The following PHB1 variants were observed in gnomAD, a reference collection of about 807,000 sequenced individuals.
The protein encoded by PHB1 is epididymis luminal protein 215.
At chr17:49,410,369 G>A in the PHB1 span, among the ~76,000 whole-genome samples, 5 of 152,160 alleles carry the variant, frequency 3.3e-5, no homozygotes, top group East Asian at 9.6e-4. Context: ...AGGGCAAGGT[G>A]CAGGTATGCC....
chr17:49,406,614 A>G, the PHB1 span: 1 of 678,080 alleles, frequency 1.5e-6, no homozygotes, highest in East Asian at 2.7e-5. Context: ...AACCAATTGC[A>G]GAAGTACAAT....
At chr17:49,406,749 G>A in the PHB1 span, 11 of 1,605,806 alleles carry the variant, frequency 6.9e-6, no homozygotes, top group Admixed American at 5.0e-5. Context: ...CCATCTGGTC[G>A]AAGGCTCACC....
the PHB1 span, chr17:49,413,422 T>C: frequency 6.5e-6 from 4 of 614,938 alleles, no homozygotes; most frequent in South Asian, 5.5e-5. Context: ...AAATCATCCA[T>C]TGAAGGATAC....
At chr17:49,414,043 T>G in the PHB1 span, among the ~76,000 whole-genome samples, 1 of 152,148 alleles carries the variant, frequency 6.6e-6, no homozygotes. Context: ...ACAAAAAAAG[T>G]AACCGTAACA....
the PHB1 span, among the ~76,000 whole-genome samples, chr17:49,407,992 A>G: frequency 6.6e-6 from 1 of 152,234 alleles, no homozygotes; most frequent in African/African-American, 2.4e-5. Context: ...CACCTTAGAT[A>G]GGGTTTCTTG....
chr17:49,406,153 C>T, the PHB1 span, among the ~76,000 whole-genome samples: 1 of 152,248 alleles, frequency 6.6e-6, no homozygotes, highest in Non-Finnish European at 1.5e-5. Context: ...TCTGCCCACA[C>T]AGTGTTTTCA....
the PHB1 span, chr17:49,413,254 T>G: frequency 1.2e-6 from 2 of 1,607,298 alleles, no homozygotes; most frequent in Non-Finnish European, 1.7e-6. Flanking sequence ...CTCAAACACT[T>G]TGGCAGCCAT....
At chr17:49,413,354 T>TGAG in the PHB1 span, 2 of 873,346 alleles carry the variant, frequency 2.3e-6, no homozygotes, top group Non-Finnish European at 3.7e-6. Context: ...AGGCCCTCTC[T>TGAG]GACACACAAC....
the PHB1 span, chr17:49,408,796 T>C: frequency 2.2e-6 from 1 of 445,674 alleles, no homozygotes. Flanking sequence ...AAACATTTAG[T>C]GGTTAGAGAC....
chr17:49,405,472 A>G, the PHB1 span, among the ~76,000 whole-genome samples: 1 of 152,190 alleles, frequency 6.6e-6, no homozygotes, highest in East Asian at 1.9e-4. Flanking sequence ...CAAAGTCCTC[A>G]TTAATATTAA....
chr17:49,411,352 C>A, the PHB1 span, among the ~76,000 whole-genome samples: 109 of 152,014 alleles, frequency 7.2e-4, no homozygotes, highest in Middle Eastern at 0.014. Context: ...AGGCACCCCC[C>A]ACCACCGGCT....
the PHB1 span, chr17:49,405,121 A>G: frequency 6.2e-7 from 1 of 1,613,940 alleles, no homozygotes; most frequent in Non-Finnish European, 8.5e-7. Context: ...CATCCCCTGC[A>G]GTGGCCAGTG....
chr17:49,412,527 C>T, the PHB1 span, among the ~76,000 whole-genome samples: 2 of 152,160 alleles, frequency 1.3e-5, no homozygotes, highest in Admixed American at 1.3e-4. Context: ...CAGCCACACA[C>T]CGGATGGGTC....
chr17:49,406,689 C>G, the PHB1 span: 1 of 1,092,790 alleles, frequency 9.2e-7, no homozygotes, highest in South Asian at 1.2e-5. Context: ...CCAGGCCACC[C>G]AGCAAATGGG....
the PHB1 span, chr17:49,411,933 A>G: frequency 8.7e-7 from 1 of 1,154,356 alleles, no homozygotes; most frequent in Non-Finnish European, 1.2e-6. Flanking sequence ...CTTTCTGTTC[A>G]CTTATTAAGT....
chr17:49,407,000 C>T, the PHB1 span: 11 of 659,586 alleles, frequency 1.7e-5, no homozygotes, highest in South Asian at 5.0e-5. Flanking sequence ...CTTCCACCTC[C>T]GTATCTGTAT....
At chr17:49,405,352 C>A in the PHB1 span, 1 of 653,480 alleles carries the variant, frequency 1.5e-6, no homozygotes. Flanking sequence ...GCGGGGGAAG[C>A]GGGGGGAAGC....
chr17:49,408,866 A>G, the PHB1 span: 1 of 581,030 alleles, frequency 1.7e-6, no homozygotes, highest in East Asian at 2.9e-5. Context: ...AGGTAAAAGA[A>G]CCCTCAACTG....
the PHB1 span, chr17:49,406,899 C>T: frequency 1.8e-5 from 25 of 1,379,640 alleles, no homozygotes; most frequent in African/African-American, 1.6e-4. Context: ...GTGATTGCTT[C>T]GACAGCACTG....
Sources: gnomAD v4.1 joint callset for allele counts (sites outside exome capture counted in the v4.1 genomes callset) on GRCh38, gnomAD v4.1.1 for gene constraint, MANE v1.5 for transcripts, NCBI Gene and HGNC (gene_info 2026-07-23, HGNC 2026-07-21) for gene names.